SEM1: variants seen among roughly 807,000 people sequenced by gnomAD.
The protein encoded by SEM1 is SEM1 26S proteasome subunit.
SEM1 carries 3 observed loss-of-function variants against 12.7 expected under a neutral mutation model. The observed-to-expected ratio is 0.24, with a 90% CI of 0.11 to 0.61. The LOEUF is 0.61. Ranked by LOEUF, SEM1 falls within the 20% of genes least tolerant of loss-of-function variation. The pLI, the probability that SEM1 is intolerant of heterozygous loss-of-function variation, is 0.88. For missense variants in SEM1, 59 were observed against 81.3 expected, an observed-to-expected ratio of 0.73 and a Z score of 1.06; for synonymous variants, 30 against 27.8, an observed-to-expected ratio of 1.08 and a Z score of -0.25.
intron 2 of SEM1, among the ~76,000 whole-genome samples, chr7:96,680,565 A>G (rs1789580084): frequency 6.6e-6 from 1 of 152,094 alleles, no homozygotes; most frequent in Non-Finnish European, 1.5e-5. Flanking sequence ...GTAACTCTAA[A>G]TATTATCCTC....
chr7:96,630,148 G>A (rs1048346865), intron 2 of SEM1, among the ~76,000 whole-genome samples: 1 of 152,124 alleles, frequency 6.6e-6, no homozygotes, highest in Non-Finnish European at 1.5e-5. Context: ...GCTTATGTTC[G>A]CTTAAGGCCC....
At position 96,486,292 on chromosome 7, in the gene SEM1, A is replaced by G. The variant is rs1190130934; in HGVS notation, c.138T>C (p.His46=). 5 of 1,536,912 alleles carry G rather than the reference A, an allele frequency of 3.3e-6. No individual in the cohort carries two copies. In the South Asian group the frequency reaches 3.6e-5, roughly 11 times the overall value. ...TTGCAAAGGCCGGATGCTTACTCTCATGGATCCAGGGTCCTCTGGCCCGCT... is the reference window on the plus strand; with the variant it reads ...TTGCAAAGGCCGGATGCTTACTCTCGTGGATCCAGGGTCCTCTGGCCCGCT... Residue 46 remains histidine, a synonymous_variant, in exon 2 of 4, where the codon CAT becomes CAC. Coordinates refer to the SEM1 transcript ENST00000356686.
chr7:96,558,455 C>T (rs924152193), intron 2 of SEM1, among the ~76,000 whole-genome samples: 4 of 152,156 alleles, frequency 2.6e-5, no homozygotes, highest in Non-Finnish European at 5.9e-5. Flanking sequence ...GTTTAATCAG[C>T]TGAGCAAAGT....
At chr7:96,515,214 AG>A (rs1804051073) in intron 2 of SEM1, among the ~76,000 whole-genome samples, 1 of 152,208 alleles carries the variant, frequency 6.6e-6, no homozygotes, top group South Asian at 2.1e-4. Context: ...ACATGGGCAA[AG>A]GATATGAACA....
intron 2 of SEM1, among the ~76,000 whole-genome samples, chr7:96,678,098 T>C (rs1395252678): frequency 6.6e-6 from 1 of 152,340 alleles, no homozygotes; most frequent in East Asian, 1.9e-4. Flanking sequence ...ATCCTTTCTT[T>C]ATGCCATTTA....
At chr7:96,657,467 G>C (rs1563100734) in intron 2 of SEM1, among the ~76,000 whole-genome samples, 1 of 152,158 alleles carries the variant, frequency 6.6e-6, no homozygotes, top group Non-Finnish European at 1.5e-5. Context: ...CTAAGTAAAA[G>C]AGGGATTAAA....
At chr7:96,609,488 A>G (rs1240205791) in intron 2 of SEM1, among the ~76,000 whole-genome samples, 1 of 152,248 alleles carries the variant, frequency 6.6e-6, no homozygotes, top group Non-Finnish European at 1.5e-5. Flanking sequence ...TGATCATTTT[A>G]TCGAGATTTA....
intron 2 of SEM1, among the ~76,000 whole-genome samples, chr7:96,677,792 G>A (rs1471302484): frequency 6.6e-6 from 1 of 151,986 alleles, no homozygotes; most frequent in Non-Finnish European, 1.5e-5. Flanking sequence ...GAAAGGAGAT[G>A]ATGGTATTAA....
intron 1 of SEM1, among the ~76,000 whole-genome samples, chr7:96,489,244 T>C (rs1381807234): frequency 6.6e-6 from 1 of 152,158 alleles, no homozygotes. Flanking sequence ...TGTTCACTGA[T>C]TATTTTCCAT....
chr7:96,553,819 A>G (rs1805380899), intron 2 of SEM1, among the ~76,000 whole-genome samples: 1 of 152,176 alleles, frequency 6.6e-6, no homozygotes, highest in African/African-American at 2.4e-5. Context: ...GATTCTTCCT[A>G]CCCATGAGCA....
intron 2 of SEM1, among the ~76,000 whole-genome samples, chr7:96,605,547 C>T (rs1807325434): frequency 6.6e-6 from 1 of 152,196 alleles, no homozygotes; most frequent in African/African-American, 2.4e-5. Flanking sequence ...GGCCAAGGTA[C>T]ATTTAGATTG....
At chr7:96,551,057 G>A (rs908374487) in intron 2 of SEM1, among the ~76,000 whole-genome samples, 2 of 152,082 alleles carry the variant, frequency 1.3e-5, no homozygotes, top group Non-Finnish European at 2.9e-5. Context: ...ATTTATTTGA[G>A]GAAATGCTTA....
intron 2 of SEM1, among the ~76,000 whole-genome samples, chr7:96,522,006 A>T: frequency 6.6e-6 from 1 of 152,184 alleles, no homozygotes; most frequent in East Asian, 1.9e-4. Flanking sequence ...AGAGGGAAAC[A>T]GATCTTAGAG....
At chr7:96,589,280 G>A (rs532390706) in intron 2 of SEM1, among the ~76,000 whole-genome samples, 2 of 152,124 alleles carry the variant, frequency 1.3e-5, no homozygotes, top group South Asian at 4.1e-4. Flanking sequence ...GGCCCTCCAG[G>A]TGGTTCTGGT....
chr7:96,689,533 GTAAACT>G (rs1384549009), intron 2 of SEM1, among the ~76,000 whole-genome samples: 1 of 152,154 alleles, frequency 6.6e-6, no homozygotes, highest in East Asian at 1.9e-4. Context: ...AAAACACTGA[GTAAACT>G]TAAAGTATGA....
At chr7:96,505,005 G>A (rs1368895892) in intron 3 of SEM1, among the ~76,000 whole-genome samples, 5 of 151,824 alleles carry the variant, frequency 3.3e-5, no homozygotes, top group Admixed American at 3.3e-4. Flanking sequence ...TAAATTATTA[G>A]CTGGATCTAG....
chr7:96,503,614 T>G (rs962413215), intron 3 of SEM1: 7 of 152,136 alleles, frequency 4.6e-5, no homozygotes, highest in Non-Finnish European at 1.0e-4. Flanking sequence ...TCTGGTGTGC[T>G]GAAATAACAC....
At chr7:96,638,896 C>T (rs1808508435) in intron 2 of SEM1, among the ~76,000 whole-genome samples, 2 of 151,886 alleles carry the variant, frequency 1.3e-5, no homozygotes, top group South Asian at 2.1e-4. Flanking sequence ...CTGCCTCTGC[C>T]CTTACCAATT....
At chr7:96,629,208 T>C (rs576979261) in intron 2 of SEM1, among the ~76,000 whole-genome samples, 35 of 152,266 alleles carry the variant, frequency 2.3e-4, no homozygotes, top group African/African-American at 6.3e-4. Flanking sequence ...TTCCCTGTTA[T>C]TATCCCTTTG....
Sources: gnomAD v4.1 joint callset for allele counts (sites outside exome capture counted in the v4.1 genomes callset) on GRCh38, gnomAD v4.1.1 for gene constraint, MANE v1.5 for transcripts, NCBI Gene and HGNC (gene_info 2026-07-23, HGNC 2026-07-21) for gene names.